The following CHODL variants were observed in gnomAD, a reference collection of about 807,000 sequenced individuals.
The protein encoded by CHODL is chondrolectin.
CHODL carries 29 observed loss-of-function variants against 34.5 expected under a neutral mutation model. The observed-to-expected ratio is 0.84, with a 90% confidence interval of 0.63 to 1.15. The LOEUF (loss-of-function observed/expected upper bound fraction) is 1.15, where lower values mean the gene tolerates loss of function less well. CHODL is among the 50% of genes most tolerant of loss of function. The pLI is 0.00. For synonymous variants in CHODL, 125 were observed against 116.1 expected (o/e 1.08, Z -0.49); for missense variants, 332 against 332.5 (o/e 1.00, Z 0.01).
chr21:18,078,164 A>G (rs1057134491), intron 2 of CHODL, among the ~76,000 whole-genome samples: 1 of 152,172 alleles, frequency 6.6e-6, no homozygotes, highest in South Asian at 2.1e-4. Flanking sequence ...CATACCCAAG[A>G]CTGGGTAATG....
chr21:17,938,411 T>G (rs1272239299), intron 1 of CHODL, among the ~76,000 whole-genome samples: 1 of 150,664 alleles, frequency 6.6e-6, no homozygotes, highest in African/African-American at 2.4e-5. Flanking sequence ...TATATCTGTA[T>G]ATAGTGCTTA....
intron 1 of CHODL, among the ~76,000 whole-genome samples, chr21:17,948,949 A>G (rs73323204): frequency 0.022 from 3,296 of 152,278 alleles, 123 homozygotes; most frequent in African/African-American, 0.075. Flanking sequence ...CAAGGATGCA[A>G]CAAAAATCAA....
intron 5 of CHODL, among the ~76,000 whole-genome samples, chr21:18,263,484 T>A (rs1460012525): frequency 2.0e-5 from 3 of 152,178 alleles, no homozygotes; most frequent in Non-Finnish European, 4.4e-5. Flanking sequence ...GGGGGAATAT[T>A]ATGACTTTTT....
At chr21:18,250,596 G>T (rs1434390787) in intron 1 of CHODL, among the ~76,000 whole-genome samples, 1 of 151,884 alleles carries the variant, frequency 6.6e-6, no homozygotes, top group Non-Finnish European at 1.5e-5. Flanking sequence ...AAAATTTTAA[G>T]AAGTTGGTGT....
At chr21:18,096,698 G>A (rs1266749123) in intron 2 of CHODL, among the ~76,000 whole-genome samples, 1 of 152,132 alleles carries the variant, frequency 6.6e-6, no homozygotes, top group African/African-American at 2.4e-5. Flanking sequence ...CTTGCCCAGT[G>A]GGACATGAAA....
chr21:17,956,969 G>C (rs1185114093), intron 1 of CHODL, among the ~76,000 whole-genome samples: 1 of 151,880 alleles, frequency 6.6e-6, no homozygotes, highest in Non-Finnish European at 1.5e-5. Context: ...TCAGTGAACT[G>C]AGTAAAGAAG....
At chr21:17,929,284 T>A (rs568653119) in intron 1 of CHODL, among the ~76,000 whole-genome samples, 1 of 152,326 alleles carries the variant, frequency 6.6e-6, no homozygotes, top group East Asian at 1.9e-4. Flanking sequence ...AATTCTAAAC[T>A]AGATTTCACT....
At chr21:18,234,409 A>G (rs2074010319) in intron 2 of CHODL, among the ~76,000 whole-genome samples, 1 of 151,070 alleles carries the variant, frequency 6.6e-6, no homozygotes, top group Non-Finnish European at 1.5e-5. Flanking sequence ...CGTTTAAGCC[A>G]GAAAGAAACA....
chr21:18,002,845 C>T (rs986910766), intron 1 of CHODL, among the ~76,000 whole-genome samples: 10 of 152,022 alleles, frequency 6.6e-5, no homozygotes, highest in African/African-American at 2.4e-4. Context: ...AGAGCCCGGC[C>T]GGGCGCTGTG....
At chr21:18,153,748 T>A (rs12627340) in intron 2 of CHODL, among the ~76,000 whole-genome samples, 13,814 of 151,962 alleles carry the variant, frequency 0.091, 784 homozygotes, top group East Asian at 0.24. Flanking sequence ...GGACTATGTT[T>A]TATATATATA....
intron 2 of CHODL, among the ~76,000 whole-genome samples, chr21:18,092,493 C>T (rs976022131): frequency 2.6e-5 from 4 of 152,150 alleles, no homozygotes; most frequent in Non-Finnish European, 4.4e-5. Context: ...AATAAGGCAC[C>T]AGGGACTAAT....
intron 1 of CHODL, among the ~76,000 whole-genome samples, chr21:17,974,919 TTATATA>T (rs886082324): frequency 1.4e-5 from 2 of 147,950 alleles, no homozygotes; most frequent in African/African-American, 4.9e-5. Flanking sequence ...AAAATGTACT[TTATATA>T]TATATATAAA....
rs2146520343 is a variant in CHODL, at chr21:18,085,273, C to A, written c.-45+57302C>A. Among the ~76,000 whole-genome samples the A allele has an allele frequency of 2.0e-5, 3 of 151,908 alleles. No individual in the cohort carries two copies. The East Asian group carries it at 5.8e-4, about 29-fold the overall frequency. ...TATCTTTTAAGTGGAGAATTTAATC[C>A]ATTTACATTCAAGGTTAATATTAAC... On this transcript the variant is annotated intron_variant, in intron 2 of 6. Transcript: ENST00000400127.
chr21:18,049,030 A>G (rs2064480590), intron 2 of CHODL, among the ~76,000 whole-genome samples: 1 of 151,970 alleles, frequency 6.6e-6, no homozygotes, highest in African/African-American at 2.4e-5. Flanking sequence ...GATGAACACA[A>G]TTACAAAACA....
intron 2 of CHODL, among the ~76,000 whole-genome samples, chr21:18,162,022 C>T (rs950695970): frequency 7.9e-5 from 12 of 152,172 alleles, no homozygotes; most frequent in African/African-American, 2.2e-4. Context: ...TCCCTAGAAG[C>T]GCACTACCAC....
intron 2 of CHODL, among the ~76,000 whole-genome samples, chr21:18,215,668 A>G (rs2073820544): frequency 6.6e-6 from 1 of 152,124 alleles, no homozygotes; most frequent in Admixed American, 6.5e-5. Context: ...TGATTCAGGG[A>G]CCAAGTTAAT....
chr21:18,165,380 T>TA (rs1203040680), intron 2 of CHODL, among the ~76,000 whole-genome samples: 1 of 152,374 alleles, frequency 6.6e-6, no homozygotes, highest in South Asian at 2.1e-4. Context: ...TGCCTCCTTT[T>TA]AATCTTTAAA....
chr21:18,022,836 T>A (rs2064140422), intron 1 of CHODL, among the ~76,000 whole-genome samples: 1 of 152,242 alleles, frequency 6.6e-6, no homozygotes, highest in Non-Finnish European at 1.5e-5. Context: ...ATTATCTTGT[T>A]TAGTCTTCAC....
chr21:18,140,404 G>C (rs367727224), intron 2 of CHODL, among the ~76,000 whole-genome samples: 9 of 152,158 alleles, frequency 5.9e-5, no homozygotes, highest in African/African-American at 2.2e-4. Context: ...CCTATAACAG[G>C]TCTAATGGAC....
Sources: gnomAD v4.1 joint callset for allele counts (sites outside exome capture counted in the v4.1 genomes callset) on GRCh38, gnomAD v4.1.1 for gene constraint, MANE v1.5 for transcripts, NCBI Gene and HGNC (gene_info 2026-07-23, HGNC 2026-07-21) for gene names.